HPS3: variants seen among roughly 807,000 people sequenced by gnomAD.
HPS3 encodes the protein HPS3 biogenesis of lysosomal organelles complex 2 subunit 1, also known as BLOC-2 complex member HPS3.
A neutral mutation model predicts 110.9 loss-of-function variants in HPS3; 79 were observed. The observed-to-expected ratio is 0.71, with a 90% CI of 0.59 to 0.86. The LOEUF is 0.86. Among genes scored for constraint, HPS3 ranks in the 40% least tolerant of loss-of-function variants. The pLI is 0.00. For missense variants in HPS3, 1,197 were observed against 1,206.2 expected (o/e 0.99, Z 0.11); for synonymous variants, 428 against 451.0 (o/e 0.95, Z 0.65).
Position 149,150,654 on chromosome 3 carries a change from G to A in HPS3, c.1219G>A (p.Asp407Asn). Residue 407 changes from aspartate (D) to asparagine (N), a missense_variant, in exon 6 of 17, where the codon GAC becomes AAC. Transcript: ENST00000296051. ...RCSAAAAREE[D>N]PYMDTTLKAC... ...CAGTGCGGCGGCAGCTCGTGAGGAG[G>A]ACCCGTACATGGACACCACCCTGAA... The A allele has an allele frequency of 6.2e-7, 1 of 1,613,992 alleles. No homozygotes were observed.
chr3:149,154,468 C>T (rs1223222188), intron 7 of HPS3, among the ~76,000 whole-genome samples: 1 of 152,148 alleles, frequency 6.6e-6, no homozygotes, highest in African/African-American at 2.4e-5. Flanking sequence ...GCTGACTGAT[C>T]CTAAAAGCTT....
At chr3:149,162,370 C>G (rs756796411) in intron 12 of HPS3, 37 bp downstream of exon 12, 1 of 1,581,858 alleles carries the variant, frequency 6.3e-7, no homozygotes, top group East Asian at 2.2e-5. Context: ...TCTGGATGGC[C>G]TCATTAAATT....
At chr3:149,142,144 C>T (rs1314151616) in intron 4 of HPS3, among the ~76,000 whole-genome samples, 13 of 152,308 alleles carry the variant, frequency 8.5e-5, no homozygotes, top group East Asian at 1.9e-4. Flanking sequence ...CCACCACACC[C>T]GGCCCAAAAT....
At chr3:149,130,657 G>C (rs917882150) in intron 1 of HPS3, among the ~76,000 whole-genome samples, 2 of 152,152 alleles carry the variant, frequency 1.3e-5, no homozygotes, top group African/African-American at 4.8e-5. Flanking sequence ...GTGGGCGCCT[G>C]TAGTCTCAGC....
chr3:149,156,762 A>G (rs1446496291), intron 8 of HPS3, among the ~76,000 whole-genome samples: 1 of 152,088 alleles, frequency 6.6e-6, no homozygotes, highest in African/African-American at 2.4e-5. Context: ...TTTAATGCCA[A>G]TTATTATATT....
At chr3:149,168,838 A>G (rs958033183) in intron 16 of HPS3, among the ~76,000 whole-genome samples, 9 of 152,136 alleles carry the variant, frequency 5.9e-5, no homozygotes, top group African/African-American at 2.2e-4. Context: ...ATAATTTATC[A>G]CTGACTGTTT....
At chr3:149,154,807 T>C (rs1723337359) in intron 7 of HPS3, among the ~76,000 whole-genome samples, 2 of 152,330 alleles carry the variant, frequency 1.3e-5, no homozygotes, top group Non-Finnish European at 1.5e-5. Context: ...CAGTCAAGGA[T>C]CTTTTCCTCT....
intron 1 of HPS3, among the ~76,000 whole-genome samples, chr3:149,133,302 T>TA (rs1385434605): frequency 1.3e-5 from 2 of 151,872 alleles, no homozygotes; most frequent in African/African-American, 4.8e-5. Flanking sequence ...TTATTTTATT[T>TA]TATTTTATTT....
chr3:149,143,185 G>A (rs1722585460), intron 4 of HPS3, among the ~76,000 whole-genome samples: 2 of 152,132 alleles, frequency 1.3e-5, no homozygotes, highest in African/African-American at 4.8e-5. Flanking sequence ...TGGCGTATAT[G>A]ACCTTAACTC....
Position 149,172,431 on chromosome 3 carries a change from C to G in HPS3, c.*209C>G. 1 of 478,956 alleles carries G rather than the reference C, an allele frequency of 2.1e-6. No homozygotes were observed. Among genetic ancestry groups the G allele is most frequent in the Non-Finnish European group, 3.8e-6 (1 of 262,864 alleles). The allele number at this position is 478,956 out of a possible 1,614,324, so 29.7% of individuals were successfully genotyped here. On this transcript the variant is annotated 3_prime_UTR_variant, in exon 17 of 17. Coordinates refer to ENST00000296051, the MANE Select transcript of HPS3 (RefSeq NM_032383.5). Reference sequence around the variant, plus strand: ...CTATTCACTTCTTAATTTATGACCTCAATCAATTTAATTGTCTAGAATGTA... The same window carrying G: ...CTATTCACTTCTTAATTTATGACCTGAATCAATTTAATTGTCTAGAATGTA...
rs572997320 is a variant in HPS3, at chr3:149,136,862, T to C, written c.218-3142T>C. ...TATAGATGAAATGGGCATGTATTTATAGGTATATGAATAAAAAGGTTTTAT... is the reference window on the plus strand; with the variant it reads ...TATAGATGAAATGGGCATGTATTTACAGGTATATGAATAAAAAGGTTTTAT... On this transcript the variant is annotated intron_variant, in intron 1 of 16. Transcript: ENST00000296051. Among the ~76,000 whole-genome samples, 10 of 152,318 alleles carry C rather than the reference T, an allele frequency of 6.6e-5. 1 individual carries two copies. The highest frequency in any genetic ancestry group is 2.4e-4 in the African/African-American group (10 of 41,582).
intron 1 of HPS3, among the ~76,000 whole-genome samples, chr3:149,131,571 T>C (rs1721783070): frequency 1.3e-5 from 2 of 152,224 alleles, no homozygotes; most frequent in Admixed American, 1.3e-4. Context: ...ATATGTGTTG[T>C]GTATGTTCTG....
intron 5 of HPS3, among the ~76,000 whole-genome samples, chr3:149,150,123 T>A (rs1161966203): frequency 6.6e-6 from 1 of 152,250 alleles, no homozygotes. Context: ...TTGCATAGTC[T>A]GTGTTGTCCA....
intron 16 of HPS3, 83 bp from the exon 17 acceptor site, chr3:149,172,012 G>C (rs878859833): frequency 1.4e-6 from 2 of 1,423,184 alleles, no homozygotes; most frequent in Middle Eastern, 4.9e-4. Context: ...GCCTGAACTG[G>C]CTTCTAATTG....
chr3:149,165,116 T>C (rs1724282373), intron 14 of HPS3, among the ~76,000 whole-genome samples: 1 of 152,196 alleles, frequency 6.6e-6, no homozygotes, highest in African/African-American at 2.4e-5. Flanking sequence ...CTAGTACTAT[T>C]GTGATACAAA....
chr3:149,162,611 C>T (rs1329726210), intron 12 of HPS3, 79 bp from the exon 13 acceptor site: 1 of 1,420,602 alleles, frequency 7.0e-7, no homozygotes, highest in Non-Finnish European at 9.9e-7. Flanking sequence ...CCATGTGATG[C>T]TGTGATATTC....
intron 11 of HPS3, 141 bp from the exon 12 acceptor site, chr3:149,162,007 T>C: frequency 1.4e-6 from 1 of 717,938 alleles, no homozygotes; most frequent in Non-Finnish European, 2.4e-6. Context: ...GAACTAGCCT[T>C]TATAGTCAAA....
At chr3:149,164,725 C>T (rs1419073299) in intron 14 of HPS3, among the ~76,000 whole-genome samples, 2 of 152,270 alleles carry the variant, frequency 1.3e-5, no homozygotes, top group East Asian at 3.9e-4. Context: ...TTGCTTCTGA[C>T]CTGAGGGTTG....
At chr3:149,142,369 T>G (rs1159541920) in intron 4 of HPS3, among the ~76,000 whole-genome samples, 1 of 152,198 alleles carries the variant, frequency 6.6e-6, no homozygotes, top group Non-Finnish European at 1.5e-5. Flanking sequence ...GGTGTAAAAA[T>G]GTGGACTGAA....
Sources: gnomAD v4.1 joint callset for allele counts (sites outside exome capture counted in the v4.1 genomes callset) on GRCh38, gnomAD v4.1.1 for gene constraint, MANE v1.5 for transcripts, NCBI Gene and HGNC (gene_info 2026-07-23, HGNC 2026-07-21) for gene names.